Variants in TEAD4 observed in about 807,000 individuals in gnomAD.
The protein encoded by TEAD4 is transcriptional enhancer factor TEF-3.
Under a neutral mutation model 52.4 loss-of-function variants are expected in TEAD4, and 36 were observed. That is an observed-to-expected ratio of 0.69 (90% CI 0.53 to 0.91). TEAD4 has a LOEUF of 0.91. TEAD4 is among the 40% of genes least tolerant of loss of function. The pLI is 0.00. For missense variants in TEAD4, 508 were observed against 583.9 expected, an observed-to-expected ratio of 0.87 and a Z score of 1.34; for synonymous variants, 220 against 231.0, an observed-to-expected ratio of 0.95 and a Z score of 0.43.
At chr12:2,999,891 C>A (rs1403751784) in intron 3 of TEAD4, among the ~76,000 whole-genome samples, 1 of 152,198 alleles carries the variant, frequency 6.6e-6, no homozygotes, top group Non-Finnish European at 1.5e-5. Context: ...TCTGGGGTTC[C>A]CTCTGCATTC....
intron 5 of TEAD4, among the ~76,000 whole-genome samples, chr12:3,014,844 A>G (rs2098263141): frequency 6.6e-6 from 1 of 152,172 alleles, no homozygotes; most frequent in African/African-American, 2.4e-5. Flanking sequence ...TCGAGTATCC[A>G]GGAAGGCAGG....
chr12:3,005,223 A>G (rs1479044344), intron 3 of TEAD4, among the ~76,000 whole-genome samples: 1 of 152,228 alleles, frequency 6.6e-6, no homozygotes, highest in Non-Finnish European at 1.5e-5. Context: ...GGCGGGCATG[A>G]CGGGGAGATG....
At chr12:2,997,029 C>G (rs182089359) in intron 3 of TEAD4, among the ~76,000 whole-genome samples, 57 of 152,310 alleles carry the variant, frequency 3.7e-4, no homozygotes, top group Middle Eastern at 6.8e-3. Context: ...CCTTCTCTCT[C>G]CTATAAATGT....
chr12:3,004,614 T>C (rs2098254368), intron 3 of TEAD4, among the ~76,000 whole-genome samples: 1 of 152,216 alleles, frequency 6.6e-6, no homozygotes, highest in Non-Finnish European at 1.5e-5. Flanking sequence ...TTTCCCTGTC[T>C]GTAGCGTGGA....
chr12:2,988,024 C>T (rs143923810), intron 2 of TEAD4, among the ~76,000 whole-genome samples: 18,858 of 150,968 alleles, frequency 0.12, 2,224 homozygotes, highest in African/African-American at 0.31. Flanking sequence ...GCTGAGATCA[C>T]GCCACTGCAC....
At chr12:2,993,992 A>G (rs1215665907) in intron 2 of TEAD4, among the ~76,000 whole-genome samples, 1 of 152,088 alleles carries the variant, frequency 6.6e-6, no homozygotes, top group East Asian at 1.9e-4. Flanking sequence ...GTTTGCTTCT[A>G]CCTTTTGACT....
chr12:2,993,531 C>G (rs545079061), intron 2 of TEAD4, among the ~76,000 whole-genome samples: 2 of 152,072 alleles, frequency 1.3e-5, no homozygotes, highest in African/African-American at 4.8e-5. Context: ...AGTGCAGTGG[C>G]GCAATCATGG....
intron 2 of TEAD4, among the ~76,000 whole-genome samples, chr12:2,969,277 G>A (rs569054025): frequency 2.2e-4 from 34 of 152,332 alleles, no homozygotes; most frequent in African/African-American, 7.2e-4. Flanking sequence ...ATGTGCATGC[G>A]TTGTGTTAGG....
rs150307121 is a variant in TEAD4, at chr12:3,023,895, T to C, written c.897+1878T>C. Among the ~76,000 whole-genome samples, 11 of 152,296 alleles carry C rather than the reference T, an allele frequency of 7.2e-5. No individual in the cohort carries two copies. In the East Asian group the frequency reaches 2.1e-3, roughly 29 times the overall value. On this transcript the variant is annotated intron_variant, in intron 10 of 12. Coordinates refer to ENST00000359864, the MANE Select transcript of TEAD4 (RefSeq NM_003213.4). Reference sequence around the variant, plus strand: ...TCACTGCAAATTTCAGCTGTTTATTTTGGGCTTTATCTCTTTAGTTCTAAG... The same window carrying C: ...TCACTGCAAATTTCAGCTGTTTATTCTGGGCTTTATCTCTTTAGTTCTAAG...
chr12:2,993,001 G>A (rs1486561017), intron 2 of TEAD4, among the ~76,000 whole-genome samples: 1 of 152,224 alleles, frequency 6.6e-6, no homozygotes, highest in Non-Finnish European at 1.5e-5. Context: ...GCTCCAGTGT[G>A]TGAGGAGCTG....
At chr12:3,005,876 G>A (rs970359861) in intron 3 of TEAD4, among the ~76,000 whole-genome samples, 7 of 152,062 alleles carry the variant, frequency 4.6e-5, no homozygotes, top group African/African-American at 1.4e-4. Flanking sequence ...GGGCTTGGGC[G>A]ATCTTCCTGC....
intron 10 of TEAD4, among the ~76,000 whole-genome samples, chr12:3,032,681 GCCCTTGCCCCAC>G (rs2098276459): frequency 6.6e-6 from 1 of 152,202 alleles, no homozygotes; most frequent in African/African-American, 2.4e-5. Context: ...GCTGTGGCCT[GCCCTTGCCCCAC>G]CCCTTGCCTG....
intron 3 of TEAD4, 124 bp from the exon 4 acceptor site, chr12:3,010,880 C>T: frequency 2.8e-6 from 3 of 1,062,450 alleles, no homozygotes; most frequent in South Asian, 3.0e-5. Flanking sequence ...CCTCACCCCA[C>T]AAATCCGCTT....
chr12:3,038,673 G>A (rs1170707102), intron 11 of TEAD4, among the ~76,000 whole-genome samples: 1 of 152,212 alleles, frequency 6.6e-6, no homozygotes, highest in African/African-American at 2.4e-5. Context: ...CCCCGGCCAA[G>A]GGCAGTGCAG....
At chr12:2,962,887 C>T (rs2098216942) in intron 2 of TEAD4, among the ~76,000 whole-genome samples, 1 of 152,228 alleles carries the variant, frequency 6.6e-6, no homozygotes, top group Non-Finnish European at 1.5e-5. Context: ...CCTTGGCGTT[C>T]TGTCTCCTGC....
In TEAD4 at chr12:3,028,048, G is replaced by T. The variant is rs36101175; in HGVS notation, c.897+6031G>T. 2.2e-3 allele frequency among the ~76,000 whole-genome samples: 336 copies of T among 152,170 alleles called. 1 individual carries two copies. The highest frequency in any genetic ancestry group is 4.2e-3 in the Non-Finnish European group (286 of 68,018). Reference sequence around the variant, plus strand: ...ATCTACTTTCTGTCTTTGAAGCTTTGCCTATTCTGGACATTTTGTATAAAA... The same window carrying T: ...ATCTACTTTCTGTCTTTGAAGCTTTTCCTATTCTGGACATTTTGTATAAAA... On this transcript the variant is annotated intron_variant, in intron 10 of 12. Transcript: ENST00000359864.
intron 2 of TEAD4, among the ~76,000 whole-genome samples, chr12:2,974,491 G>A (rs956203294): frequency 2.6e-5 from 4 of 152,208 alleles, no homozygotes; most frequent in African/African-American, 9.6e-5. Flanking sequence ...CCATGGCCCA[G>A]TCCAGAGGCT....
intron 2 of TEAD4, among the ~76,000 whole-genome samples, chr12:2,976,248 A>G (rs552396787): frequency 2.0e-4 from 31 of 151,296 alleles, no homozygotes; most frequent in African/African-American, 6.6e-4. Context: ...CTGACCTCAG[A>G]TGATCTGCCC....
chr12:3,007,396 A>G (rs1218318697), intron 3 of TEAD4, among the ~76,000 whole-genome samples: 1 of 152,240 alleles, frequency 6.6e-6, no homozygotes, highest in African/African-American at 2.4e-5. Flanking sequence ...ACCTGAGCCA[A>G]GAGTCACACC....
Sources: allele counts gnomAD v4.1 joint callset (sites outside exome capture counted in the v4.1 genomes callset), GRCh38; gene constraint gnomAD v4.1.1; transcripts MANE v1.5; gene names NCBI Gene and HGNC (gene_info 2026-07-23, HGNC 2026-07-21).